TCF20: variants seen among roughly 807,000 people sequenced by gnomAD.
The protein encoded by TCF20 is SPRE-binding protein.
TCF20 carries 3 observed loss-of-function variants against 148.6 expected under a neutral mutation model. The observed-to-expected ratio is 0.02, with a 90% CI of 0.01 to 0.05. The LOEUF is 0.05. Among genes scored for constraint, TCF20 ranks in the 10% least tolerant of loss-of-function variants. The pLI, the probability that TCF20 is intolerant of heterozygous loss-of-function variation, is 1.00. For synonymous variants in TCF20, 1,049 were observed against 909.5 expected, an observed-to-expected ratio of 1.15 and a Z score of -2.76; for missense variants, 2,350 against 2,429.3, an observed-to-expected ratio of 0.97 and a Z score of 0.69.
chr22:42,325,539 G>C (rs1007281379), intron 1 of TCF20, among the ~76,000 whole-genome samples: 3 of 152,240 alleles, frequency 2.0e-5, no homozygotes, highest in African/African-American at 7.2e-5. Context: ...ACCAGCTCGG[G>C]GGGAGGGGAG....
intron 2 of TCF20, among the ~76,000 whole-genome samples, chr22:42,206,286 T>C (rs781149268): frequency 6.6e-6 from 1 of 152,162 alleles, no homozygotes; most frequent in Non-Finnish European, 1.5e-5. Context: ...CTGGGCGCAG[T>C]GACCCACACC....
At chr22:42,236,182 A>G (rs939779596) in intron 1 of TCF20, among the ~76,000 whole-genome samples, 6 of 152,202 alleles carry the variant, frequency 3.9e-5, no homozygotes, top group Non-Finnish European at 8.8e-5. Flanking sequence ...CTTCAAAAAA[A>G]CAAACAAAAA....
intron 1 of TCF20, among the ~76,000 whole-genome samples, chr22:42,302,843 G>C (rs1037679068): frequency 6.6e-6 from 1 of 152,200 alleles, no homozygotes; most frequent in East Asian, 1.9e-4. Flanking sequence ...CTGGGACCCC[G>C]TCAGGTTCAA....
At chr22:42,161,861 C>T (rs185348584) in intron 5 of TCF20, among the ~76,000 whole-genome samples, 42 of 152,020 alleles carry the variant, frequency 2.8e-4, no homozygotes, top group Non-Finnish European at 4.1e-4. Flanking sequence ...ATCGCTCTGT[C>T]GCCTTGGCTC....
intron 1 of TCF20, among the ~76,000 whole-genome samples, chr22:42,333,860 C>T (rs1199309816): frequency 1.3e-5 from 2 of 152,234 alleles, no homozygotes; most frequent in South Asian, 2.1e-4. Context: ...CACCGGCCCA[C>T]CACGATGGCT....
At position 42,160,606 on chromosome 22, in the gene TCF20, G is replaced by A. The variant is rs565539889; in HGVS notation, c.*797C>T. The A allele has an allele frequency of 5.3e-5, 8 of 151,398 alleles. No homozygotes were observed. The highest frequency in any genetic ancestry group is 2.0e-4 in the African/African-American group (8 of 40,930). 9.4% of individuals were successfully genotyped at this position (151,398 alleles called of 1,614,324 possible). A position where few individuals can be genotyped will look rare whatever the true frequency, so the allele number is the denominator to read the frequency against. Reference sequence around the variant, plus strand: ...ACCCAGGACACAGCTATGACCTCAGGCATCTGCCAATTTCACCCCCAAAAA... The same window carrying A: ...ACCCAGGACACAGCTATGACCTCAGACATCTGCCAATTTCACCCCCAAAAA... On this transcript the variant is annotated 3_prime_UTR_variant, in exon 6 of 6. Transcript: ENST00000677622.
At chr22:42,247,929 GAAGTGACTTAAA>G (rs1469477214) in intron 1 of TCF20, among the ~76,000 whole-genome samples, 2 of 152,206 alleles carry the variant, frequency 1.3e-5, no homozygotes, top group African/African-American at 2.4e-5. Flanking sequence ...CTGTTCTACA[GAAGTGACTTAAA>G]AAGTGAATAT....
chr22:42,216,836 A>C (rs972079872), intron 1 of TCF20, among the ~76,000 whole-genome samples: 1 of 152,132 alleles, frequency 6.6e-6, no homozygotes, highest in Non-Finnish European at 1.5e-5. Flanking sequence ...AATCCCTCTT[A>C]ATCAATCAAG....
chr22:42,229,603 G>T (rs1923215267), intron 1 of TCF20, among the ~76,000 whole-genome samples: 1 of 152,106 alleles, frequency 6.6e-6, no homozygotes, highest in Non-Finnish European at 1.5e-5. Context: ...TTTGTTGAAG[G>T]CCACGGCAAT....
At position 42,299,060 on chromosome 22, in the gene TCF20, A is replaced by G. The variant is rs1927285071; in HGVS notation, c.-37+44419T>C. On this transcript the variant is annotated intron_variant, in intron 1 of 1. Coordinates refer to the TCF20 transcript ENST00000515426. This position sits in a 1 kb window ranked among gnomAD's most constrained non-coding sequence, Gnocchi z 4.1. The stretch of plus-strand genomic sequence containing the variant: ...CCATGGCAGTGATGGGTGGGCTCCA[A>G]GGGTTCCCACACCCACCGCCTGCCC... 6.6e-6 allele frequency among the ~76,000 whole-genome samples: 1 copy of G among 152,200 alleles called. No individual in the cohort carries two copies. The highest frequency in any genetic ancestry group is 1.5e-5 in the Non-Finnish European group (1 of 68,036).
chr22:42,239,692 G>C (rs1011695338), intron 1 of TCF20, among the ~76,000 whole-genome samples: 1 of 152,134 alleles, frequency 6.6e-6, no homozygotes, highest in Non-Finnish European at 1.5e-5. Flanking sequence ...CGAGGCTGAG[G>C]GGGAGAATCG....
At position 42,213,141 on chromosome 22, in the gene TCF20, C is replaced by G; in HGVS notation, c.2165G>C (p.Ser722Thr). Reference sequence around the variant, plus strand: ...CCCTGTAGGATACTGAGGAAAGCCACTGACATTTCGTGGCACGGCTGACCC... The same window carrying G: ...CCCTGTAGGATACTGAGGAAAGCCAGTGACATTTCGTGGCACGGCTGACCC... ...SFGSAVPRNVSGFPQYPTGQE... is the reference protein window; with the variant it reads ...SFGSAVPRNVTGFPQYPTGQE... Residue 722 changes from serine (S) to threonine (T), a missense_variant, in exon 2 of 6, where the codon AGT becomes ACT. By Grantham distance (58) the Ser-to-Thr change is moderately conservative. Around this residue, in one of 7 missense-constraint regions of TCF20, gnomAD observed 1,641 missense variants for 1,662.6 expected, o/e 0.99. Transcript: ENST00000677622. 1 of 1,614,204 alleles carries G rather than the reference C, an allele frequency of 6.2e-7. No individual in the cohort carries two copies. The highest frequency in any genetic ancestry group is 8.5e-7 in the Non-Finnish European group (1 of 1,180,042).
At chr22:42,215,492 C>CTCTTGTCTCAA in intron 1 of TCF20, 151 bp from the exon 2 acceptor site, 1 of 1,032,408 alleles carries the variant, frequency 9.7e-7, no homozygotes, top group Non-Finnish European at 1.3e-6. Flanking sequence ...TTTTTTGAGA[C>CTCTTGTCTCAA]AAGAGTCTCA....
In TCF20 at chr22:42,210,258, G is replaced by A; in HGVS notation, c.5048C>T (p.Pro1683Leu). The A allele has an allele frequency of 6.2e-7, 1 of 1,614,186 alleles. No individual in the cohort carries two copies. The change falls in exon 2 of 6, where the codon CCG becomes CTG. Residue 1683 changes from proline to leucine, a missense_variant. Transcript: ENST00000677622. The surrounding 1 kb of genome is among the most constrained non-coding windows in gnomAD (Gnocchi z 4.7). ...PPSSTESKALPASSFMLQGPV... is the reference protein window; with the variant it reads ...PPSSTESKALLASSFMLQGPV... ...TCCCTGCAGCATAAAGGACGAGGCCGGGAGCGCCTTGCTTTCAGTGCTGCT... is the reference window on the plus strand; with the variant it reads ...TCCCTGCAGCATAAAGGACGAGGCCAGGAGCGCCTTGCTTTCAGTGCTGCT...
At chr22:42,205,131 C>T (rs370265499) in intron 2 of TCF20, among the ~76,000 whole-genome samples, 2 of 152,200 alleles carry the variant, frequency 1.3e-5, no homozygotes, top group East Asian at 3.8e-4. Context: ...TATCCATACC[C>T]ATTCAGAGGC....
chr22:42,240,363 T>G lies in TCF20; in HGVS notation c.-36-25022A>C, dbSNP rs142597186. ...ATCTTAACAGTGTCACACAGAGACA[T>G]AAACAATAATACAGTATAATAGTAT... On this transcript the variant is annotated intron_variant, in intron 1 of 5. Coordinates refer to ENST00000677622, the MANE Select transcript of TCF20 (RefSeq NM_001378418.1). Among the ~76,000 whole-genome samples, 736 of 152,252 alleles carry G rather than the reference T, an allele frequency of 4.8e-3. 6 individuals are homozygous for G. Among genetic ancestry groups the G allele is most frequent in the Non-Finnish European group, 7.2e-3 (488 of 68,012 alleles).
chr22:42,170,315 C>T (rs575010710), intron 3 of TCF20, among the ~76,000 whole-genome samples: 35 of 147,424 alleles, frequency 2.4e-4, no homozygotes, highest in Admixed American at 8.8e-4. Context: ...TTGGGCAACA[C>T]AGTGAGATCC....
At chr22:42,273,756 A>T (rs1926706491), upstream of TCF20, 2 of 152,246 alleles carry the variant, frequency 1.3e-5, no homozygotes, top group Admixed American at 6.5e-5. Context: ...CTAGAAACAA[A>T]ATTAATCCTT....
intron 1 of TCF20, among the ~76,000 whole-genome samples, chr22:42,232,272 G>T (rs1375766199): frequency 3.3e-5 from 5 of 152,120 alleles, no homozygotes; most frequent in Admixed American, 2.0e-4. Flanking sequence ...TAGCCTAGAT[G>T]GGCAGTCGGC....
Sources: gnomAD v4.1 joint callset for allele counts (sites outside exome capture counted in the v4.1 genomes callset) on GRCh38, gnomAD v4.1.1 for gene constraint, gnomAD v4.1.1 regional missense constraint, Gnocchi (gnomAD v3.1) non-coding constraint, MANE v1.5 for transcripts, NCBI Gene and HGNC (gene_info 2026-07-23, HGNC 2026-07-21) for gene names.